Variants in LHPP observed in about 807,000 individuals in gnomAD.
LHPP encodes the protein phospholysine phosphohistidine inorganic pyrophosphate phosphatase.
A neutral mutation model predicts 30.3 loss-of-function variants in LHPP; 24 were observed. The ratio of observed to expected loss-of-function variants is 0.79; its 90% CI spans 0.57 to 1.11. The LOEUF (loss-of-function observed/expected upper bound fraction) is 1.11, where lower values mean the gene tolerates loss of function less well. Among genes scored for constraint, LHPP ranks in the 50% most tolerant of loss-of-function variants. The pLI is 0.00. For missense variants in LHPP, 356 were observed against 367.2 expected, an observed-to-expected ratio of 0.97 and a Z score of 0.25; for synonymous variants, 150 against 157.1, an observed-to-expected ratio of 0.95 and a Z score of 0.34.
At chr10:124,463,737 G>A (rs1205502256) in intron 1 of LHPP, among the ~76,000 whole-genome samples, 1 of 151,136 alleles carries the variant, frequency 6.6e-6, no homozygotes, top group African/African-American at 2.4e-5. Flanking sequence ...TGAACTCCTT[G>A]GCTCAGGCAG....
At chr10:124,583,302 AT>A (rs1948764374) in intron 6 of LHPP, among the ~76,000 whole-genome samples, 1 of 152,192 alleles carries the variant, frequency 6.6e-6, no homozygotes, top group East Asian at 1.9e-4. Context: ...TTTTTGATAC[AT>A]TGTTAATTCA....
At chr10:124,564,287 C>A in intron 6 of LHPP, among the ~76,000 whole-genome samples, 1 of 151,994 alleles carries the variant, frequency 6.6e-6, no homozygotes, top group Non-Finnish European at 1.5e-5. Flanking sequence ...CCACACCCAG[C>A]TAATTTTTTG....
chr10:124,502,466 G>A (rs1341277309), intron 5 of LHPP, among the ~76,000 whole-genome samples: 3 of 150,950 alleles, frequency 2.0e-5, no homozygotes, highest in East Asian at 1.9e-4. Flanking sequence ...CTGGGTTCAC[G>A]CCATTCTCCT....
At position 124,541,812 on chromosome 10, in the gene LHPP, G is replaced by A. The variant is rs1233537157; in HGVS notation, c.716+24541G>A. Among the ~76,000 whole-genome samples, 4 of 152,098 alleles carry A rather than the reference G, an allele frequency of 2.6e-5. No homozygotes were observed. The highest frequency in any genetic ancestry group is 5.9e-5 in the Non-Finnish European group (4 of 67,978). ...AATGTTGGAGACCAGAGTGGAGTGGGCTGGGCGGGCCAGGCCCCGGCCCAG... is the reference window on the plus strand; with the variant it reads ...AATGTTGGAGACCAGAGTGGAGTGGACTGGGCGGGCCAGGCCCCGGCCCAG... On this transcript the variant is annotated intron_variant, in intron 6 of 6. Transcript: ENST00000368842. This position sits in a 1 kb window ranked among gnomAD's most constrained non-coding sequence, Gnocchi z 4.2.
At chr10:124,610,211 CCT>C (rs953493498) in intron 6 of LHPP, among the ~76,000 whole-genome samples, 2 of 152,206 alleles carry the variant, frequency 1.3e-5, no homozygotes, top group African/African-American at 4.8e-5. Flanking sequence ...TCGTAGACAC[CCT>C]GTGTGGCATC....
chr10:124,467,052 A>G (rs1952570512), intron 1 of LHPP, among the ~76,000 whole-genome samples: 1 of 151,634 alleles, frequency 6.6e-6, no homozygotes, highest in South Asian at 2.1e-4. Context: ...TGAGCCCAGG[A>G]GTTTGAGGCT....
At chr10:124,591,304 A>C (rs925213216) in intron 6 of LHPP, among the ~76,000 whole-genome samples, 2 of 152,160 alleles carry the variant, frequency 1.3e-5, no homozygotes, top group African/African-American at 4.8e-5. Flanking sequence ...GAGCTGGGGC[A>C]GTCAGGGGCT....
rs557224505 is a variant in LHPP, at chr10:124,510,133, G to A, written c.625-7047G>A. 6.6e-4 allele frequency among the ~76,000 whole-genome samples: 100 copies of A among 152,258 alleles called. No individual in the cohort carries two copies. The highest frequency in any genetic ancestry group is 9.9e-4 in the Non-Finnish European group (67 of 68,012). ...TCTCCGCCTCACACCCCACCATGTC[G>A]TGTCTGAAAGGAAGCGAAGCCCAGC... On this transcript the variant is annotated intron_variant, in intron 5 of 6. Coordinates refer to ENST00000368842, the MANE Select transcript of LHPP (RefSeq NM_022126.4). This position sits in a 1 kb window ranked among gnomAD's most constrained non-coding sequence, Gnocchi z 4.0.
rs1589708675 is a variant in LHPP at position 124,599,869 on chromosome 10, T to C, written c.717-13395T>C. Among the ~76,000 whole-genome samples, 7 of 152,308 alleles carry C rather than the reference T, an allele frequency of 4.6e-5. No homozygotes were observed. The South Asian group carries it at 1.5e-3, about 32-fold the overall frequency. On this transcript the variant is annotated intron_variant, in intron 6 of 6. Transcript: ENST00000368842. ...CACTGTCAGCCCCCATTCTGGAAGGTCCCAACTGGGTCCCCCAGGCCTGTG... is the reference window on the plus strand; with the variant it reads ...CACTGTCAGCCCCCATTCTGGAAGGCCCCAACTGGGTCCCCCAGGCCTGTG...
intron 2 of LHPP, among the ~76,000 whole-genome samples, chr10:124,487,728 G>A (rs1262843101): frequency 6.6e-6 from 1 of 152,148 alleles, no homozygotes; most frequent in Non-Finnish European, 1.5e-5. Flanking sequence ...ACAGGCATGA[G>A]CCACCGCACC....
At position 124,592,103 on chromosome 10, in the gene LHPP, G is replaced by A. The variant is rs892312896; in HGVS notation, c.717-21161G>A. On this transcript the variant is annotated intron_variant, in intron 6 of 6. Coordinates refer to ENST00000368842, the MANE Select transcript of LHPP (RefSeq NM_022126.4). The surrounding 1 kb of genome is among the most constrained non-coding windows in gnomAD (Gnocchi z 6.2). ...TGGGGTTGGGGAACAATAAGAGAAG[G>A]CAAGCCCTATGGGATGGTAAACTGC... Among the ~76,000 whole-genome samples, 15 of 152,210 alleles carry A rather than the reference G, an allele frequency of 9.9e-5. No homozygotes were observed. The highest frequency in any genetic ancestry group is 3.6e-4 in the African/African-American group (15 of 41,446).
chr10:124,550,303 G>T (rs996030165), intron 6 of LHPP, among the ~76,000 whole-genome samples: 1 of 152,234 alleles, frequency 6.6e-6, no homozygotes, highest in African/African-American at 2.4e-5. Context: ...CCCCGTCTTG[G>T]TTGTTGAGCC....
At position 124,489,370 on chromosome 10, in the gene LHPP, T is replaced by C. The variant is rs117446243; in HGVS notation, c.467+795T>C. On this transcript the variant is annotated intron_variant, in intron 3 of 6. Transcript: ENST00000368842. Reference sequence around the variant, plus strand: ...TTGTTTTGTCATCTGTTTTTTATTGTTCACCAAACAATATTTGTGACTGAC... The same window carrying C: ...TTGTTTTGTCATCTGTTTTTTATTGCTCACCAAACAATATTTGTGACTGAC... 1.6e-4 allele frequency among the ~76,000 whole-genome samples: 25 copies of C among 152,336 alleles called. No individual in the cohort carries two copies. The East Asian group carries it at 1.7e-3, about 11-fold the overall frequency.
In LHPP at chr10:124,504,091, C is replaced by T. The variant is rs1953989186; in HGVS notation, c.624+5963C>T. 2.6e-5 allele frequency among the ~76,000 whole-genome samples: 4 copies of T among 152,244 alleles called. No individual in the cohort carries two copies. In the East Asian group the frequency reaches 7.7e-4, roughly 29 times the overall value. On this transcript the variant is annotated intron_variant, in intron 5 of 6. Transcript: ENST00000368842. The stretch of plus-strand genomic sequence containing the variant: ...CCTGTAATCCCAGCTACTCAGGAGG[C>T]TGAGGTGGGAGAATCACTTGAACCC...
chr10:124,488,555 G>A lies in LHPP; in HGVS notation c.447G>A (p.Val149=). The change falls in exon 3 of 7, where the codon GTG becomes GTA. Residue 149 remains valine, a synonymous_variant. Coordinates refer to ENST00000368842, the MANE Select transcript of LHPP (RefSeq NM_022126.4). ...FQVLMELEKP[V]LISLGKGRYY... is the part of the protein sequence containing the mutation. ...TGCTCATGGAGCTGGAAAAACCTGT[G>A]CTCATATCACTGGGAAAAGGGTAAG... is the stretch of plus-strand genomic sequence containing the variant. The A allele has an allele frequency of 1.2e-6, 2 of 1,612,434 alleles. No homozygotes were observed. The highest frequency in any genetic ancestry group is 2.2e-5 in the East Asian group (1 of 44,782).
At chr10:124,482,389 C>A (rs1053880179) in intron 1 of LHPP, among the ~76,000 whole-genome samples, 2 of 152,194 alleles carry the variant, frequency 1.3e-5, no homozygotes, top group Non-Finnish European at 2.9e-5. Context: ...TGTTTCGGGA[C>A]CTGTCTGAGA....
At chr10:124,542,694 C>T (rs1040745636) in intron 6 of LHPP, among the ~76,000 whole-genome samples, 1 of 152,176 alleles carries the variant, frequency 6.6e-6, no homozygotes, top group Non-Finnish European at 1.5e-5. Flanking sequence ...GCTGGAGGCC[C>T]ATTTTTCCCA....
intron 6 of LHPP, among the ~76,000 whole-genome samples, chr10:124,544,589 A>C (rs1359988347): frequency 1.3e-5 from 2 of 152,142 alleles, no homozygotes; most frequent in Non-Finnish European, 2.9e-5. Context: ...CAACAGTCTC[A>C]CCCTGCAGGA....
chr10:124,524,381 A>C (rs548038871), intron 6 of LHPP, among the ~76,000 whole-genome samples: 18 of 150,150 alleles, frequency 1.2e-4, no homozygotes, highest in Admixed American at 6.0e-4. Flanking sequence ...GGTTCAAGCG[A>C]TTCTCCTGCC....
Sources: gnomAD v4.1 joint callset for allele counts (sites outside exome capture counted in the v4.1 genomes callset) on GRCh38, gnomAD v4.1.1 for gene constraint, Gnocchi (gnomAD v3.1) non-coding constraint, MANE v1.5 for transcripts, NCBI Gene and HGNC (gene_info 2026-07-23, HGNC 2026-07-21) for gene names.